Variants in FER observed in about 807,000 individuals in gnomAD.
FER encodes tyrosine-protein kinase Fer.
FER carries 63 observed loss-of-function variants against 111.0 expected under a neutral mutation model. The ratio of observed to expected loss-of-function variants is 0.57; its 90% confidence interval spans 0.46 to 0.70. The LOEUF (loss-of-function observed/expected upper bound fraction) is 0.70. Ranked by LOEUF, FER falls within the 30% of genes least tolerant of loss-of-function variation. FER has a pLI of 0.00. For synonymous variants in FER, 327 were observed against 313.9 expected (o/e 1.04, Z -0.44); for missense variants, 914 against 954.0 (o/e 0.96, Z 0.55).
Position 109,100,496 on chromosome 5 carries a change from C to T in FER, c.2025C>T (p.Leu675=), listed in dbSNP as rs534002172. ...SLDAAAGMLY[L]ESKNCIHRDL... is the part of the protein sequence containing the mutation. ...ACGCTGCTGCTGGTATGTTGTATCT[C>T]GAGAGTAAAAACTGTATACACAGGT... The change falls in exon 17 of 20, where the codon CTC becomes CTT. Residue 675 remains leucine (L), a synonymous_variant. Coordinates refer to ENST00000281092, the MANE Select transcript of FER (RefSeq NM_005246.4). 1.9e-5 allele frequency: 30 copies of T among 1,610,616 alleles called. No individual in the cohort carries two copies. In the East Asian group the frequency reaches 2.2e-4, roughly 12 times the overall value.
chr5:108,795,371 G>A (rs1755897923), intron 2 of FER, among the ~76,000 whole-genome samples: 1 of 151,026 alleles, frequency 6.6e-6, no homozygotes, highest in African/African-American at 2.4e-5. Context: ...TTGTAGGCAT[G>A]GTTTATTCTC....
At chr5:108,844,101 T>C (rs1761599434) in intron 5 of FER, among the ~76,000 whole-genome samples, 4 of 136,098 alleles carry the variant, frequency 2.9e-5, no homozygotes, top group South Asian at 4.5e-4. Flanking sequence ...AACATATGTG[T>C]GTGAACATGT....
At chr5:108,891,265 C>T (rs931619041) in intron 9 of FER, among the ~76,000 whole-genome samples, 6 of 152,028 alleles carry the variant, frequency 3.9e-5, no homozygotes, top group African/African-American at 1.4e-4. Flanking sequence ...ACTCTGCACT[C>T]TTTATATATT....
At chr5:109,049,139 A>T (rs183329245) in intron 16 of FER, among the ~76,000 whole-genome samples, 1 of 152,150 alleles carries the variant, frequency 6.6e-6, no homozygotes, top group African/African-American at 2.4e-5. Flanking sequence ...GATTTATGTA[A>T]ATGTATTAGC....
At chr5:108,851,912 A>G (rs945768851) in intron 5 of FER, among the ~76,000 whole-genome samples, 2 of 152,198 alleles carry the variant, frequency 1.3e-5, no homozygotes, top group Admixed American at 6.5e-5. Context: ...CATGTTCAGG[A>G]AAAAGAAAGA....
intron 5 of FER, among the ~76,000 whole-genome samples, chr5:108,855,594 G>GA (rs199949845): frequency 0.053 from 5,409 of 102,798 alleles, 426 homozygotes; most frequent in African/African-American, 0.16. Context: ...GCACTCCAGC[G>GA]AAAAAAAAAA....
intron 16 of FER, among the ~76,000 whole-genome samples, chr5:109,078,195 A>G (rs1408107225): frequency 6.6e-6 from 1 of 152,176 alleles, no homozygotes; most frequent in Non-Finnish European, 1.5e-5. Flanking sequence ...GCCACTAGTG[A>G]CATCCCTCTA....
At chr5:109,149,954 T>C (rs1450864947) in intron 17 of FER, among the ~76,000 whole-genome samples, 6 of 152,186 alleles carry the variant, frequency 3.9e-5, no homozygotes, top group Admixed American at 3.9e-4. Context: ...AGCAACGCAT[T>C]AGATTCTCAA....
chr5:109,147,842 T>C (rs571327119), intron 17 of FER, among the ~76,000 whole-genome samples: 3 of 148,684 alleles, frequency 2.0e-5, no homozygotes, highest in Admixed American at 6.7e-5. Context: ...GACAGAGAAA[T>C]ACTAGTGAAA....
intron 16 of FER, among the ~76,000 whole-genome samples, chr5:109,064,046 A>G (rs535458719): frequency 3.8e-4 from 58 of 152,338 alleles, no homozygotes; most frequent in Middle Eastern, 3.4e-3. Context: ...ATTTAGAAAG[A>G]TAGCAATTTT....
chr5:108,748,828 C>A (rs531242051), intron 1 of FER: 1 of 152,858 alleles, frequency 6.5e-6, no homozygotes, highest in South Asian at 2.1e-4. Flanking sequence ...GCCCGCCTTC[C>A]GCTCTTGCCC....
At position 109,044,662 on chromosome 5, in the gene FER, AT is replaced by A; in HGVS notation, c.1714-17del. 8.0e-7 allele frequency: 1 copy of A among 1,250,082 alleles called. No homozygotes were observed. The highest frequency in any genetic ancestry group is 1.1e-6 in the Non-Finnish European group (1 of 887,598). The allele number at this position is 1,250,082 out of a possible 1,614,324, so 77.4% of individuals were successfully genotyped here. A position where few individuals can be genotyped will look rare whatever the true frequency, so the allele number is the denominator to read the frequency against. ...TGCTGTCATTTACCCCAGACAATGA[AT>A]GTATTTCTATTTTCAGGGAAATTTT... On this transcript the variant is annotated splice_polypyrimidine_tract_variant and intron_variant, in intron 14 of 19. Transcript: ENST00000281092.
At chr5:108,915,541 G>A (rs1213979592) in intron 10 of FER, among the ~76,000 whole-genome samples, 1 of 151,190 alleles carries the variant, frequency 6.6e-6, no homozygotes, top group Non-Finnish European at 1.5e-5. Context: ...TTTATAATAA[G>A]GCACAGTTTT....
chr5:109,037,786 T>G (rs544448566), intron 14 of FER, among the ~76,000 whole-genome samples: 11 of 152,130 alleles, frequency 7.2e-5, no homozygotes, highest in African/African-American at 2.4e-4. Flanking sequence ...AACTGAGATT[T>G]GAAAAGAAAC....
intron 2 of FER, among the ~76,000 whole-genome samples, chr5:108,770,564 C>T (rs917215007): frequency 2.0e-5 from 3 of 151,660 alleles, no homozygotes; most frequent in African/African-American, 2.4e-5. Context: ...AGCCTGGAGA[C>T]GGAGACAGAG....
At chr5:108,779,383 GA>G (rs1317137993) in intron 2 of FER, among the ~76,000 whole-genome samples, 2 of 152,134 alleles carry the variant, frequency 1.3e-5, no homozygotes, top group African/African-American at 2.4e-5. Flanking sequence ...AAATTGGGAA[GA>G]ATTGACATTT....
At chr5:109,179,538 A>G (rs968541995) in intron 17 of FER, among the ~76,000 whole-genome samples, 9 of 152,206 alleles carry the variant, frequency 5.9e-5, no homozygotes, top group Non-Finnish European at 7.4e-5. Context: ...TACTAGGACA[A>G]GCTCCACTTG....
chr5:109,037,853 G>A (rs1395625236), intron 14 of FER, among the ~76,000 whole-genome samples: 1 of 151,812 alleles, frequency 6.6e-6, no homozygotes, highest in African/African-American at 2.4e-5. Context: ...TTTGTTTCTG[G>A]TTACATGTGA....
intron 10 of FER, among the ~76,000 whole-genome samples, chr5:108,904,506 G>T (rs1437091992): frequency 6.6e-6 from 1 of 152,010 alleles, no homozygotes; most frequent in Admixed American, 6.6e-5. Flanking sequence ...TAGGAGATAG[G>T]GTCTGAGAAG....
Sources: gnomAD v4.1 joint callset for allele counts (sites outside exome capture counted in the v4.1 genomes callset) on GRCh38, gnomAD v4.1.1 for gene constraint, MANE v1.5 for transcripts, NCBI Gene and HGNC (gene_info 2026-07-23, HGNC 2026-07-21) for gene names.